ADAM7: variants seen among roughly 807,000 people sequenced by gnomAD.
The protein encoded by ADAM7 is ADAM metallopeptidase domain 7.
ADAM7 carries 97 observed loss-of-function variants against 102.9 expected under a neutral mutation model. The ratio of observed to expected loss-of-function variants is 0.94; its 90% CI spans 0.80 to 1.12. The LOEUF is 1.12. ADAM7 is among the 50% of genes most tolerant of loss of function. ADAM7 has a pLI of 0.00. For missense variants in ADAM7, 991 were observed against 908.7 expected (o/e 1.09, Z -1.16); for synonymous variants, 334 against 304.4 (o/e 1.10, Z -1.01).
intron 7 of ADAM7, among the ~76,000 whole-genome samples, chr8:24,472,900 T>C (rs1438477892): frequency 1.3e-5 from 2 of 151,904 alleles, no homozygotes; most frequent in South Asian, 2.1e-4. Context: ...ATATGTAAAA[T>C]TAGAAGACAA....
At chr8:24,454,497 C>T (rs928141563) in intron 3 of ADAM7, among the ~76,000 whole-genome samples, 14 of 152,180 alleles carry the variant, frequency 9.2e-5, no homozygotes, top group Non-Finnish European at 2.9e-5. Flanking sequence ...ATTTTTTAAG[C>T]CCGTCGGAAA....
intron 21 of ADAM7, 114 bp downstream of exon 21, chr8:24,507,649 AC>A: frequency 1.2e-6 from 1 of 820,052 alleles, no homozygotes. Flanking sequence ...ACTTATCACA[AC>A]AGATTAGGAA....
intron 16 of ADAM7, among the ~76,000 whole-genome samples, chr8:24,493,598 T>G (rs1820449119): frequency 6.6e-6 from 1 of 152,214 alleles, no homozygotes; most frequent in Non-Finnish European, 1.5e-5. Flanking sequence ...ATGGTGCCAC[T>G]GACTGTACAC....
At position 24,508,772 on chromosome 8, in the gene ADAM7, CT is replaced by C. The variant is rs1821032160; in HGVS notation, c.*228del. The C allele has an allele frequency of 1.5e-6, 2 of 1,352,100 alleles. No homozygotes were observed. Among genetic ancestry groups the C allele is most frequent in the African/African-American group, 2.9e-5 (2 of 68,160 alleles). 83.8% of individuals were successfully genotyped at this position (1,352,100 alleles called of 1,614,324 possible). A position where few individuals can be genotyped will look rare whatever the true frequency, so the allele number is the denominator to read the frequency against. Reference sequence around the variant, plus strand: ...AACATATGCTGCAGAAAAAAAATGTCTTGTGGTCTTTCAAATGCTCTTTAGC... The same window carrying C: ...AACATATGCTGCAGAAAAAAAATGTCTGTGGTCTTTCAAATGCTCTTTAGC... On this transcript the variant is annotated 3_prime_UTR_variant, in exon 22 of 22. Transcript: ENST00000175238.
rs567699301 is a variant in ADAM7, at chr8:24,489,814, C to T, written c.1266+481C>T. On this transcript the variant is annotated intron_variant, in intron 12 of 21. Coordinates refer to ENST00000175238, the MANE Select transcript of ADAM7 (RefSeq NM_003817.4). ...TTTATTGTAGTTGTGGTCTCTGGAA[C>T]ATTTAGGAAAAGCCCTTGAGGCAAT... 5.3e-5 allele frequency among the ~76,000 whole-genome samples: 8 copies of T among 152,322 alleles called. No homozygotes were observed. The South Asian group carries it at 1.7e-3, about 32-fold the overall frequency.
intron 2 of ADAM7, 119 bp downstream of exon 2, chr8:24,442,695 C>T: frequency 3.9e-6 from 3 of 774,708 alleles, no homozygotes; most frequent in Non-Finnish European, 4.5e-6. Context: ...TAAGGACTCC[C>T]ATTCGGCATA....
chr8:24,476,501 C>T lies in ADAM7; in HGVS notation c.702C>T (p.Asn234=), dbSNP rs1380058217. 6.2e-7 allele frequency: 1 copy of T among 1,605,954 alleles called. No individual in the cohort carries two copies. Among genetic ancestry groups the T allele is most frequent in the Non-Finnish European group, 8.5e-7 (1 of 1,174,070 alleles). The stretch of plus-strand genomic sequence containing the variant: ...TTTGGGGAATGGTCAATTTTGTCAA[C>T]ATGGTAAGATTTGATACAGTTTTTG... ...NRIWGMVNFV[N]MIYKTLNIHV... is the part of the protein sequence containing the mutation. Residue 234 remains asparagine (N), a synonymous_variant, in exon 8 of 22, where the codon AAC becomes AAT. Transcript: ENST00000175238.
chr8:24,473,246 C>G (rs1819664666), intron 7 of ADAM7, among the ~76,000 whole-genome samples: 1 of 152,094 alleles, frequency 6.6e-6, no homozygotes, highest in Non-Finnish European at 1.5e-5. Flanking sequence ...TTATTATAAC[C>G]TTTGTATTAT....
At chr8:24,480,016 T>C (rs1819896182) in intron 8 of ADAM7, among the ~76,000 whole-genome samples, 2 of 152,322 alleles carry the variant, frequency 1.3e-5, no homozygotes, top group South Asian at 4.1e-4. Context: ...TCAATTTATG[T>C]CCGTGGAAAT....
chr8:24,461,634 T>C (rs1819245728), intron 3 of ADAM7, among the ~76,000 whole-genome samples: 1 of 152,160 alleles, frequency 6.6e-6, no homozygotes, highest in African/African-American at 2.4e-5. Context: ...GCACTCCACT[T>C]AATCAGTATG....
At chr8:24,506,268 G>A (rs1309491648) in intron 20 of ADAM7, 7 of 849,352 alleles carry the variant, frequency 8.2e-6, no homozygotes, top group South Asian at 4.9e-5. Context: ...ATATAACATC[G>A]ATAGCTCTCT....
At chr8:24,478,753 C>A (rs998827004) in intron 8 of ADAM7, among the ~76,000 whole-genome samples, 1 of 152,138 alleles carries the variant, frequency 6.6e-6, no homozygotes, top group Non-Finnish European at 1.5e-5. Flanking sequence ...CAACTCTTTT[C>A]TCTCCAACAG....
intron 16 of ADAM7, among the ~76,000 whole-genome samples, chr8:24,498,514 T>C (rs187911504): frequency 1.3e-3 from 201 of 151,128 alleles, no homozygotes; most frequent in African/African-American, 4.6e-3. Flanking sequence ...ATGTCTAATG[T>C]TGGAAATCAG....
At chr8:24,494,320 G>A (rs1214060255) in intron 16 of ADAM7, among the ~76,000 whole-genome samples, 1 of 152,176 alleles carries the variant, frequency 6.6e-6, no homozygotes. Context: ...AGCTATGTTT[G>A]TGAAAATTAA....
At chr8:24,492,354 G>C (rs1820390466) in intron 14 of ADAM7, 141 bp from the exon 15 acceptor site, 1 of 715,006 alleles carries the variant, frequency 1.4e-6, no homozygotes, top group South Asian at 2.3e-5. Flanking sequence ...GAGGCAATAG[G>C]ATAGTTTTTA....
chr8:24,459,261 G>A (rs1819153356), intron 3 of ADAM7, among the ~76,000 whole-genome samples: 1 of 151,684 alleles, frequency 6.6e-6, no homozygotes, highest in African/African-American at 2.4e-5. Flanking sequence ...AAAAAAAAAT[G>A]TCTATTTCAC....
chr8:24,507,431 G>T (rs369081634), intron 20 of ADAM7, 49 bp from the exon 21 acceptor site: 1 of 1,474,514 alleles, frequency 6.8e-7, no homozygotes, highest in African/African-American at 1.4e-5. Flanking sequence ...ATGCCCATGC[G>T]TGTAACATCT....
rs1347496813 is a variant in ADAM7, at chr8:24,500,248, A to G, written c.1994A>G (p.His665Arg). 5 of 1,608,306 alleles carry G rather than the reference A, an allele frequency of 3.1e-6. No homozygotes were observed. The highest frequency in any genetic ancestry group is 3.3e-5 in the Admixed American group (2 of 59,854). The change falls in exon 18 of 22, where the codon CAT (histidine) becomes CGT (arginine). Residue 665 changes from histidine to arginine, a missense_variant. Transcript: ENST00000175238. The stretch of plus-strand genomic sequence containing the variant: ...CCTGTAGCCTGTGAAGAAACCTTAC[A>G]TGTTACCAGTGAGCATCCTAAAACA... ...QAPVACEETL[H>R]VTNITILVVV...
At chr8:24,477,639 T>C (rs1389824184) in intron 8 of ADAM7, among the ~76,000 whole-genome samples, 2 of 151,862 alleles carry the variant, frequency 1.3e-5, no homozygotes, top group Admixed American at 1.3e-4. Flanking sequence ...ATCTGTGATT[T>C]GCTGTTTTAT....
Sources: allele counts gnomAD v4.1 joint callset (sites outside exome capture counted in the v4.1 genomes callset), GRCh38; gene constraint gnomAD v4.1.1; transcripts MANE v1.5; gene names NCBI Gene and HGNC (gene_info 2026-07-23, HGNC 2026-07-21).